ZFPM2: variants seen among roughly 807,000 people sequenced by gnomAD.
ZFPM2 encodes zinc finger protein, FOG family member 2.
Under a neutral mutation model 98.6 loss-of-function variants are expected in ZFPM2, and 20 were observed. That is an observed-to-expected ratio of 0.20 (90% CI 0.14 to 0.29). The LOEUF is 0.29. ZFPM2 is among the 10% of genes least tolerant of loss of function. ZFPM2 has a pLI of 1.00. For synonymous variants in ZFPM2, 518 were observed against 502.7 expected (o/e 1.03, Z -0.41); for missense variants, 1,310 against 1,388.6 (o/e 0.94, Z 0.90).
At chr8:105,413,483 TATATA>T (rs1563647447) in intron 1 of ZFPM2, among the ~76,000 whole-genome samples, 1 of 47,104 alleles carries the variant, frequency 2.1e-5, no homozygotes, top group Non-Finnish European at 5.0e-5. Context: ...ATTCAAACAT[TATATA>T]TATATATATA....
chr8:105,593,804 A>T (rs576237947), intron 4 of ZFPM2, among the ~76,000 whole-genome samples: 1 of 151,834 alleles, frequency 6.6e-6, no homozygotes, highest in Non-Finnish European at 1.5e-5. Flanking sequence ...GTTGCAAAAA[A>T]AATTGTGATT....
At chr8:105,673,023 G>C (rs1817624003) in intron 5 of ZFPM2, among the ~76,000 whole-genome samples, 1 of 150,140 alleles carries the variant, frequency 6.7e-6, no homozygotes. Context: ...ATGAAACCTT[G>C]CCTGTTAGTC....
At chr8:105,596,198 A>T (rs956355723) in intron 4 of ZFPM2, among the ~76,000 whole-genome samples, 1 of 152,084 alleles carries the variant, frequency 6.6e-6, no homozygotes, top group African/African-American at 2.4e-5. Flanking sequence ...TGGCTCTCTG[A>T]TCTCTTCATG....
intron 5 of ZFPM2, among the ~76,000 whole-genome samples, chr8:105,721,274 T>A (rs1193115626): frequency 6.6e-6 from 1 of 151,950 alleles, no homozygotes; most frequent in African/African-American, 2.4e-5. Flanking sequence ...TAAGTGGATC[T>A]GCAAACCCAT....
chr8:105,362,551 T>G (rs1041973057), intron 1 of ZFPM2, among the ~76,000 whole-genome samples: 1 of 152,148 alleles, frequency 6.6e-6, no homozygotes, highest in African/African-American at 2.4e-5. Context: ...GTTGATTATA[T>G]TTATTTATTT....
At chr8:105,668,358 C>G (rs1817526558) in intron 5 of ZFPM2, among the ~76,000 whole-genome samples, 1 of 152,122 alleles carries the variant, frequency 6.6e-6, no homozygotes, top group Non-Finnish European at 1.5e-5. Flanking sequence ...ACTAAATTAG[C>G]TTTTTCTACC....
chr8:105,367,122 C>G (rs1387439547), intron 1 of ZFPM2, among the ~76,000 whole-genome samples: 1 of 117,478 alleles, frequency 8.5e-6, no homozygotes, highest in Non-Finnish European at 1.7e-5. Flanking sequence ...GTTTTGGTTA[C>G]TGTAGCCTTG....
intron 6 of ZFPM2, among the ~76,000 whole-genome samples, chr8:105,789,829 T>C (rs1295174680): frequency 6.6e-6 from 1 of 151,894 alleles, no homozygotes; most frequent in Non-Finnish European, 1.5e-5. Flanking sequence ...ATTTCTCTGA[T>C]GGCCAGTGAT....
intron 1 of ZFPM2, among the ~76,000 whole-genome samples, chr8:105,330,639 T>TAC (rs1812216134): frequency 1.7e-5 from 2 of 120,086 alleles, no homozygotes; most frequent in Admixed American, 1.1e-4. Context: ...TATACATATA[T>TAC]ATATATATAT....
chr8:105,797,134 T>TATGGAAGAGTGATTA (rs1813850105), intron 6 of ZFPM2: 1 of 152,216 alleles, frequency 6.6e-6, no homozygotes, highest in Non-Finnish European at 1.5e-5. Context: ...ATGGAGGCAT[T>TATGGAAGAGTGATTA]ATGGAAGAGT....
intron 4 of ZFPM2, among the ~76,000 whole-genome samples, chr8:105,593,947 T>C (rs1331200052): frequency 6.6e-6 from 1 of 152,152 alleles, no homozygotes; most frequent in East Asian, 1.9e-4. Flanking sequence ...GGAGTCATTA[T>C]GGCCTGGAGT....
chr8:105,599,391 T>TAA (rs71577982), intron 4 of ZFPM2, among the ~76,000 whole-genome samples: 14,354 of 137,320 alleles, frequency 0.1, 951 homozygotes, highest in Middle Eastern at 0.21. Context: ...TTTTCGTCTT[T>TAA]AAAAAAAAAA....
At chr8:105,544,893 A>T (rs1306130726) in intron 3 of ZFPM2, among the ~76,000 whole-genome samples, 3 of 152,154 alleles carry the variant, frequency 2.0e-5, no homozygotes, top group Non-Finnish European at 4.4e-5. Context: ...TATATCATGG[A>T]TTGGTAATAA....
intron 3 of ZFPM2, among the ~76,000 whole-genome samples, chr8:105,505,132 T>C (rs996929745): frequency 6.6e-6 from 1 of 152,162 alleles, no homozygotes; most frequent in Non-Finnish European, 1.5e-5. Context: ...ACTTCAGTTC[T>C]CTGAGCCTTC....
At chr8:105,699,297 A>G (rs569978435) in intron 5 of ZFPM2, among the ~76,000 whole-genome samples, 94 of 152,254 alleles carry the variant, frequency 6.2e-4, no homozygotes, top group African/African-American at 2.1e-3. Flanking sequence ...CTGTTTTTAC[A>G]TAAGTTCTAG....
At chr8:105,501,303 C>T (rs1465321279) in intron 3 of ZFPM2, among the ~76,000 whole-genome samples, 2 of 151,592 alleles carry the variant, frequency 1.3e-5, no homozygotes, top group African/African-American at 4.8e-5. Flanking sequence ...CTGCCTCAGC[C>T]TCCTAAGTAG....
chr8:105,696,195 C>T (rs540706140), intron 5 of ZFPM2, among the ~76,000 whole-genome samples: 34 of 152,212 alleles, frequency 2.2e-4, no homozygotes, highest in Non-Finnish European at 4.1e-4. Flanking sequence ...CCCTGCCGTG[C>T]ACCATCCTGG....
chr8:105,469,944 AT>A (rs1367052459), intron 3 of ZFPM2, among the ~76,000 whole-genome samples: 1 of 152,208 alleles, frequency 6.6e-6, no homozygotes, highest in Non-Finnish European at 1.5e-5. Context: ...AGCTAACATA[AT>A]TATTATTGTC....
chr8:105,598,457 T>C (rs1252310767), intron 4 of ZFPM2, among the ~76,000 whole-genome samples: 13 of 152,138 alleles, frequency 8.5e-5, no homozygotes, highest in Admixed American at 8.5e-4. Context: ...AATCACCATC[T>C]CTTAGCTTTG....
Sources: allele counts gnomAD v4.1 joint callset (sites outside exome capture counted in the v4.1 genomes callset), GRCh38; gene constraint gnomAD v4.1.1; transcripts MANE v1.5; gene names NCBI Gene and HGNC (gene_info 2026-07-23, HGNC 2026-07-21).